LZTS1: variants seen among roughly 807,000 people sequenced by gnomAD.
LZTS1 encodes the protein leucine zipper putative tumor suppressor 1.
A neutral mutation model predicts 45.8 loss-of-function variants in LZTS1; 31 were observed. The ratio of observed to expected loss-of-function variants is 0.68; its 90% CI spans 0.51 to 0.91. The LOEUF (loss-of-function observed/expected upper bound fraction) is 0.91. Ranked by LOEUF, LZTS1 falls within the 40% of genes least tolerant of loss-of-function variation. LZTS1 has a pLI of 0.00. For missense variants in LZTS1, 821 were observed against 788.9 expected, an observed-to-expected ratio of 1.04 and a Z score of -0.49; for synonymous variants, 359 against 357.3, an observed-to-expected ratio of 1.00 and a Z score of -0.05.
At chr8:20,292,288 G>A (rs922891102) in intron 1 of LZTS1, among the ~76,000 whole-genome samples, 2 of 152,174 alleles carry the variant, frequency 1.3e-5, no homozygotes, top group African/African-American at 4.8e-5. Context: ...ATCCCACCTG[G>A]CATCAGGACA....
chr8:20,293,457 T>G (rs956420869), intron 1 of LZTS1, among the ~76,000 whole-genome samples: 1 of 152,206 alleles, frequency 6.6e-6, no homozygotes, highest in Non-Finnish European at 1.5e-5. Context: ...CTCTGTATCT[T>G]CCATGAAGAC....
At chr8:20,251,586 A>G (rs1799911346) in intron 3 of LZTS1, among the ~76,000 whole-genome samples, 1 of 152,196 alleles carries the variant, frequency 6.6e-6, no homozygotes, top group African/African-American at 2.4e-5. Flanking sequence ...ACATGGGTCT[A>G]ACCTGTGGCT....
intron 1 of LZTS1, among the ~76,000 whole-genome samples, chr8:20,277,707 T>C (rs1056376459): frequency 1.3e-5 from 2 of 152,186 alleles, no homozygotes; most frequent in African/African-American, 4.8e-5. Flanking sequence ...CAACTCCAGG[T>C]GGGCGAACTG....
At chr8:20,290,291 T>C (rs1436168834) in intron 1 of LZTS1, 2 of 152,208 alleles carry the variant, frequency 1.3e-5, no homozygotes, top group African/African-American at 4.8e-5. Flanking sequence ...CTTTTGACGA[T>C]GCAGGTTTTA....
At position 20,253,375 on chromosome 8, in the gene LZTS1, T is replaced by C. The variant is rs1331618949; in HGVS notation, c.556A>G (p.Ser186Gly). 1 of 1,613,368 alleles carries C rather than the reference T, an allele frequency of 6.2e-7. No homozygotes were observed. The highest frequency in any genetic ancestry group is 1.1e-5 in the South Asian group (1 of 91,026). ...RNSMSSLPTHSTSSSYQLDPL... is the reference protein window; with the variant it reads ...RNSMSSLPTHGTSSSYQLDPL... Reference sequence around the variant, plus strand: ...TCCAGCTGGTAGCTGCTGCTGGTGCTGTGTGTGGGCAGGCTGGACATGGAG... The same window carrying C: ...TCCAGCTGGTAGCTGCTGCTGGTGCCGTGTGTGGGCAGGCTGGACATGGAG... The change falls in exon 3 of 4, where the codon AGC becomes GGC. Residue 186 changes from serine to glycine, a missense_variant. Transcript: ENST00000381569.
intron 1 of LZTS1, among the ~76,000 whole-genome samples, chr8:20,301,551 G>A: frequency 6.6e-6 from 1 of 152,178 alleles, no homozygotes; most frequent in East Asian, 1.9e-4. Context: ...TTTGGTAGGC[G>A]CCCAATGAAT....
At chr8:20,263,685 C>T (rs1420288543) in intron 1 of LZTS1, among the ~76,000 whole-genome samples, 1 of 152,090 alleles carries the variant, frequency 6.6e-6, no homozygotes, top group Non-Finnish European at 1.5e-5. Context: ...TGCAGCCGCT[C>T]CAATCCCCAA....
At position 20,253,509 on chromosome 8, in the gene LZTS1, G is replaced by A. The variant is rs748533521; in HGVS notation, c.422C>T (p.Ser141Phe). The A allele has an allele frequency of 1.3e-6, 2 of 1,571,726 alleles. No homozygotes were observed. Among genetic ancestry groups the A allele is most frequent in the Non-Finnish European group, 1.7e-6 (2 of 1,161,458 alleles). The change falls in exon 3 of 4, where the codon TCC (serine) becomes TTC (phenylalanine). Residue 141 changes from serine (S) to phenylalanine (F), a missense_variant. Transcript: ENST00000381569. ...LPRSGAILHS[S>F]PESASHQLHP... is the part of the protein sequence containing the mutation. ...CAGCTGGTGGCTGGCACTCTCCGGG[G>A]AGGAGTGCAGGATGGCTCCTGACCG... is the stretch of plus-strand genomic sequence containing the variant.
At chr8:20,292,346 A>G (rs1800913770) in intron 1 of LZTS1, among the ~76,000 whole-genome samples, 2 of 152,312 alleles carry the variant, frequency 1.3e-5, no homozygotes, top group Middle Eastern at 3.4e-3. Flanking sequence ...GTGTCGCTCT[A>G]TGGGTAGCTA....
In LZTS1 at chr8:20,249,815, C is replaced by T. The variant is rs1220956938; in HGVS notation, c.1698G>A (p.Gln566=). 6.2e-7 allele frequency: 1 copy of T among 1,614,050 alleles called. No homozygotes were observed. Among genetic ancestry groups the T allele is most frequent in the Non-Finnish European group, 8.5e-7 (1 of 1,180,032 alleles). The change falls in exon 4 of 4, where the codon CAG becomes CAA. Residue 566 remains glutamine, a synonymous_variant. Coordinates refer to ENST00000381569, the MANE Select transcript of LZTS1 (RefSeq NM_021020.5). ...RNQRLEKALQ[Q]LARGDSAGEP... is the part of the protein sequence containing the mutation. ...CCCCGGCGCTGTCCCCACGTGCCAG[C>T]TGCTGCAGGGCCTTCTCCAGGCGCT...
At chr8:20,268,244 G>A (rs932937828) in intron 1 of LZTS1, among the ~76,000 whole-genome samples, 3 of 148,978 alleles carry the variant, frequency 2.0e-5, no homozygotes, top group Non-Finnish European at 1.5e-5. Flanking sequence ...GCAGAGATGT[G>A]AGAACAGTCC....
At chr8:20,296,824 TG>T (rs1446426741) in intron 1 of LZTS1, among the ~76,000 whole-genome samples, 1 of 152,222 alleles carries the variant, frequency 6.6e-6, no homozygotes, top group African/African-American at 2.4e-5. Flanking sequence ...GCGATCTCCA[TG>T]GGGCAGCTCT....
At position 20,276,459 on chromosome 8, in the gene LZTS1, G is replaced by A. The variant is rs536981025; in HGVS notation, c.-134-21144C>T. Among the ~76,000 whole-genome samples the A allele has an allele frequency of 4.2e-4, 64 of 152,330 alleles. 2 individuals carry two copies. The South Asian group carries it at 0.012, about 30-fold the overall frequency. On this transcript the variant is annotated intron_variant, in intron 1 of 3. Transcript: ENST00000381569. The stretch of plus-strand genomic sequence containing the variant: ...CTCCATAAAAACCCAAAAGGACAGG[G>A]CTCAGGAAGTTTCTGGATAGTTGAA...
chr8:20,255,409 CAT>C (rs957220857), intron 1 of LZTS1, 94 bp from the exon 2 acceptor site: 9 of 844,926 alleles, frequency 1.1e-5, no homozygotes, highest in African/African-American at 1.0e-4. Context: ...TAGAGAAACA[CAT>C]GTCAGAGCCC....
At chr8:20,299,447 G>A (rs771434190) in intron 1 of LZTS1, among the ~76,000 whole-genome samples, 10 of 152,186 alleles carry the variant, frequency 6.6e-5, no homozygotes, top group East Asian at 3.8e-4. Flanking sequence ...CAACTTACTT[G>A]TCATTGGTTC....
rs1801127153 is a variant in LZTS1, at chr8:20,303,894, G to A, written c.-289C>T. 1.0e-6 allele frequency: 1 copy of A among 984,788 alleles called. No homozygotes were observed. Among genetic ancestry groups the A allele is most frequent in the Admixed American group, 6.2e-5 (1 of 16,230 alleles). The allele number at this position is 984,788 out of a possible 1,614,324, so 61.0% of individuals were successfully genotyped here. A position where few individuals can be genotyped will look rare whatever the true frequency, so the allele number is the denominator to read the frequency against. The stretch of plus-strand genomic sequence containing the variant: ...CGGCTCCCACTCACTGGCCGAGGCG[G>A]GCAGAGAAACTTTCGGCCTCCCCGC... On this transcript the variant is annotated 5_prime_UTR_variant, in exon 1 of 4. Transcript: ENST00000381569.
chr8:20,288,213 G>A (rs1428403679), intron 1 of LZTS1, among the ~76,000 whole-genome samples: 1 of 152,110 alleles, frequency 6.6e-6, no homozygotes, highest in East Asian at 1.9e-4. Flanking sequence ...CACACAGCTG[G>A]GGGATTCTGA....
chr8:20,251,150 A>ATATATAT lies in LZTS1; in HGVS notation c.1150-788_1150-787insATATATA, dbSNP rs1563851104. Among the ~76,000 whole-genome samples the ATATATAT allele has an allele frequency of 6.5e-3, 513 of 78,860 alleles. 85 individuals carry two copies. Among genetic ancestry groups the ATATATAT allele is most frequent in the Non-Finnish European group, 9.8e-3 (361 of 36,842 alleles). The allele number at this position is 78,860 out of a possible 152,430, so 51.7% of individuals were successfully genotyped here. ...ATATATATATATATATATATATATA[A>ATATATAT]AATATAAAGTATAAGAGTAGAGATT... On this transcript the variant is annotated intron_variant, in intron 3 of 3. Transcript: ENST00000381569.
Position 20,255,289 on chromosome 8 carries a change from C to T in LZTS1, c.-108G>A, listed in dbSNP as rs1314415140. Reference sequence around the variant, plus strand: ...AGGGGACTGAGGTCATAGCAAAGCCCTCACAGAGCCTGCGAGAGCCGTAGA... The same window carrying T: ...AGGGGACTGAGGTCATAGCAAAGCCTTCACAGAGCCTGCGAGAGCCGTAGA... On this transcript the variant is annotated 5_prime_UTR_variant, in exon 2 of 4. Transcript: ENST00000381569. 6.9e-7 allele frequency: 1 copy of T among 1,456,146 alleles called. No individual in the cohort carries two copies. The highest frequency in any genetic ancestry group is 9.0e-7 in the Non-Finnish European group (1 of 1,110,640). 90.2% of individuals were successfully genotyped at this position (1,456,146 alleles called of 1,614,324 possible). A position where few individuals can be genotyped will look rare whatever the true frequency, so the allele number is the denominator to read the frequency against.
Sources: allele counts gnomAD v4.1 joint callset (sites outside exome capture counted in the v4.1 genomes callset), GRCh38; gene constraint gnomAD v4.1.1; transcripts MANE v1.5; gene names NCBI Gene and HGNC (gene_info 2026-07-23, HGNC 2026-07-21).